Variants in PREX2 observed in about 807,000 individuals in gnomAD.
The protein encoded by PREX2 is phosphatidylinositol-3,4,5-trisphosphate dependent Rac exchange factor 2.
In PREX2, 107 loss-of-function variants were observed where a neutral mutation model predicts 203.2. That is an observed-to-expected ratio of 0.53 (90% CI 0.45 to 0.62). The LOEUF (loss-of-function observed/expected upper bound fraction) is 0.62. PREX2 is among the 20% of genes least tolerant of loss of function. The probability of loss-of-function intolerance (pLI) is 0.00; values close to 1 mark genes in which losing one functional copy is unlikely to be tolerated. For synonymous variants in PREX2, 672 were observed against 663.6 expected, an observed-to-expected ratio of 1.01 and a Z score of -0.19; for missense variants, 1,777 against 1,955.9, an observed-to-expected ratio of 0.91 and a Z score of 1.72.
intron 4 of PREX2, among the ~76,000 whole-genome samples, chr8:68,026,097 A>T (rs1391901232): frequency 6.6e-6 from 1 of 152,154 alleles, no homozygotes; most frequent in African/African-American, 2.4e-5. Context: ...CGATTGCAGT[A>T]GGGAGTGAAA....
At chr8:67,974,700 T>A (rs1317874872) in intron 1 of PREX2, among the ~76,000 whole-genome samples, 1 of 152,168 alleles carries the variant, frequency 6.6e-6, no homozygotes, top group Non-Finnish European at 1.5e-5. Context: ...AAAGCTAATA[T>A]TAAGAAAAAG....
At chr8:68,018,131 GT>G (rs111503892) in intron 2 of PREX2, among the ~76,000 whole-genome samples, 54 of 148,762 alleles carry the variant, frequency 3.6e-4, no homozygotes, top group Middle Eastern at 6.9e-3. Flanking sequence ...TCATAGAGTT[GT>G]TTTTTTTTTC....
chr8:68,013,584 G>A (rs957270187), intron 1 of PREX2, among the ~76,000 whole-genome samples: 14 of 152,110 alleles, frequency 9.2e-5, no homozygotes, highest in Non-Finnish European at 1.8e-4. Flanking sequence ...CATTTATTAG[G>A]ACCAAACGAA....
chr8:67,965,816 A>G (rs1805758355), intron 1 of PREX2, among the ~76,000 whole-genome samples: 1 of 152,172 alleles, frequency 6.6e-6, no homozygotes, highest in Admixed American at 6.6e-5. Flanking sequence ...AGTTTCTAGC[A>G]AGGACAATTA....
intron 30 of PREX2, among the ~76,000 whole-genome samples, chr8:68,126,337 C>T (rs558651480): frequency 1.3e-5 from 2 of 152,224 alleles, no homozygotes; most frequent in Admixed American, 1.3e-4. Flanking sequence ...ACTTTTCACA[C>T]ATATTCTCAC....
In PREX2 at chr8:68,109,482, C is replaced by G. The variant is rs1253973357; in HGVS notation, c.3005C>G (p.Ser1002Cys). The part of the protein sequence containing the change: ...ITTMAAPSGL[S>C]LGQQDGHGLR... ...ACCATGGCGGCCCCTTCAGGTCTGT[C>G]TCTGGGACAGCAGGATGGCCATGGT... The change falls in exon 25 of 40, where the codon TCT (serine) becomes TGT (cysteine). Residue 1002 changes from serine to cysteine, a missense_variant. Transcript: ENST00000288368. 1 of 1,614,040 alleles carries G rather than the reference C, an allele frequency of 6.2e-7. No individual in the cohort carries two copies. The highest frequency in any genetic ancestry group is 1.7e-5 in the Admixed American group (1 of 60,012).
intron 23 of PREX2, chr8:68,105,179 T>A: frequency 7.3e-7 from 1 of 1,367,850 alleles, no homozygotes; most frequent in South Asian, 1.1e-5. Context: ...CAGCACGGCA[T>A]GCTGTCTGGG....
chr8:68,151,190 A>T (rs1313483232), intron 34 of PREX2, among the ~76,000 whole-genome samples: 6 of 152,074 alleles, frequency 3.9e-5, no homozygotes. Context: ...TGAGGCCAAG[A>T]TGGAAGGATC....
Position 68,224,636 on chromosome 8 carries a change from T to A in PREX2, c.4775+10T>A, listed in dbSNP as rs940664. 0.29 allele frequency: 464,299 copies of A among 1,602,640 alleles called. 71,712 individuals carry two copies. The highest frequency in any genetic ancestry group is 0.45 in the South Asian group (40,592 of 90,796). On this transcript the variant is annotated intron_variant, in intron 39 of 39. Coordinates refer to ENST00000288368, the MANE Select transcript of PREX2 (RefSeq NM_024870.4). The stretch of plus-strand genomic sequence containing the variant: ...CACAGTCTGCACCAAGGTAAGTGCA[T>A]CCCCTGCTCTGCCCTTGCCCGAAAG...
At chr8:68,122,721 T>C (rs76634336) in intron 30 of PREX2, among the ~76,000 whole-genome samples, 6,614 of 152,180 alleles carry the variant, frequency 0.043, 429 homozygotes, top group African/African-American at 0.14. Context: ...TCTCATTAGA[T>C]TCAAAGAACT....
At chr8:68,015,686 C>T (rs938982552) in intron 1 of PREX2, among the ~76,000 whole-genome samples, 2 of 152,018 alleles carry the variant, frequency 1.3e-5, no homozygotes, top group South Asian at 2.1e-4. Flanking sequence ...GGCAAATAAA[C>T]CACCATGTTA....
intron 2 of PREX2, among the ~76,000 whole-genome samples, chr8:68,018,637 ATGGTTCACTCCAC>A (rs1488450799): frequency 1.3e-5 from 2 of 152,184 alleles, no homozygotes; most frequent in African/African-American, 4.8e-5. Context: ...AAATATTTCA[ATGGTTCACTCCAC>A]ATAATATCCT....
At chr8:67,989,795 C>A (rs1806544184) in intron 1 of PREX2, among the ~76,000 whole-genome samples, 1 of 152,186 alleles carries the variant, frequency 6.6e-6, no homozygotes, top group Non-Finnish European at 1.5e-5. Context: ...TTTAAAATAA[C>A]CTGTCTAGAG....
At chr8:67,992,018 G>A (rs1806623875) in intron 1 of PREX2, among the ~76,000 whole-genome samples, 13 of 152,186 alleles carry the variant, frequency 8.5e-5, no homozygotes, top group Admixed American at 8.5e-4. Flanking sequence ...CAGGACAGAG[G>A]TACTGAAAAG....
intron 23 of PREX2, chr8:68,103,650 T>C: frequency 3.9e-6 from 2 of 519,326 alleles, no homozygotes; most frequent in Non-Finnish European, 7.7e-6. Flanking sequence ...TCTGTGTAAC[T>C]GAAATGGCTG....
At chr8:68,150,109 C>T (rs556826239) in intron 34 of PREX2, among the ~76,000 whole-genome samples, 173 of 152,208 alleles carry the variant, frequency 1.1e-3, no homozygotes, top group Admixed American at 2.6e-3. Flanking sequence ...TCACAGCAGC[C>T]GGGCAATGAG....
At chr8:68,029,908 T>C (rs1807831511) in intron 5 of PREX2, among the ~76,000 whole-genome samples, 1 of 152,284 alleles carries the variant, frequency 6.6e-6, no homozygotes, top group East Asian at 1.9e-4. Context: ...GCAGTTCATT[T>C]GTCACATAGA....
intron 1 of PREX2, among the ~76,000 whole-genome samples, chr8:67,977,685 A>G (rs1287777919): frequency 6.6e-6 from 1 of 152,080 alleles, no homozygotes; most frequent in Non-Finnish European, 1.5e-5. Flanking sequence ...ACCTCTGGGG[A>G]GGGGAGAGAA....
At chr8:68,142,883 G>A (rs951562151) in intron 33 of PREX2, among the ~76,000 whole-genome samples, 1 of 152,092 alleles carries the variant, frequency 6.6e-6, no homozygotes, top group African/African-American at 2.4e-5. Context: ...AATTTATTTT[G>A]TGGAAAATCT....
Sources: gnomAD v4.1 joint callset for allele counts (sites outside exome capture counted in the v4.1 genomes callset) on GRCh38, gnomAD v4.1.1 for gene constraint, MANE v1.5 for transcripts, NCBI Gene and HGNC (gene_info 2026-07-23, HGNC 2026-07-21) for gene names.